NFIA: variants seen among roughly 807,000 people sequenced by gnomAD.
The protein encoded by NFIA is nuclear factor I A, also known as nuclear factor 1 A-type.
A neutral mutation model predicts 62.8 loss-of-function variants in NFIA; 8 were observed. The ratio of observed to expected loss-of-function variants is 0.13; its 90% CI spans 0.07 to 0.23. The LOEUF (loss-of-function observed/expected upper bound fraction) is 0.23. Ranked by LOEUF, NFIA falls within the 10% of genes least tolerant of loss-of-function variation. The pLI, the probability that NFIA is intolerant of heterozygous loss-of-function variation, is 1.00. For missense variants in NFIA, 410 were observed against 642.1 expected, an observed-to-expected ratio of 0.64 and a Z score of 3.91; for synonymous variants, 235 against 238.1, an observed-to-expected ratio of 0.99 and a Z score of 0.12.
At chr1:61,291,932 G>A (rs980006480) in intron 3 of NFIA, among the ~76,000 whole-genome samples, 3 of 152,082 alleles carry the variant, frequency 2.0e-5, no homozygotes, top group African/African-American at 4.8e-5. Context: ...ATATTACAAT[G>A]TGTAATCTGT....
At chr1:61,253,783 A>G (rs1656201344) in intron 2 of NFIA, among the ~76,000 whole-genome samples, 1 of 151,796 alleles carries the variant, frequency 6.6e-6, no homozygotes, top group Non-Finnish European at 1.5e-5. Flanking sequence ...AATAAAATAA[A>G]CTCTTTTGCC....
chr1:61,115,725 A>G (rs1646783131), intron 2 of NFIA, among the ~76,000 whole-genome samples: 1 of 152,198 alleles, frequency 6.6e-6, no homozygotes, highest in African/African-American at 2.4e-5. Context: ...GCCCGTGAGA[A>G]ACTTCCCAAC....
intron 10 of NFIA, among the ~76,000 whole-genome samples, chr1:61,435,044 C>G (rs1667267646): frequency 6.6e-6 from 1 of 152,140 alleles, no homozygotes; most frequent in African/African-American, 2.4e-5. Context: ...ACCATAGTGC[C>G]AAGTGCAGAA....
chr1:61,157,568 C>T (rs1312280143), intron 2 of NFIA, among the ~76,000 whole-genome samples: 2 of 152,204 alleles, frequency 1.3e-5, no homozygotes, highest in African/African-American at 4.8e-5. Context: ...GGAAACGTGG[C>T]AGCCTGCAGC....
chr1:61,398,977 T>C (rs1278743962), intron 7 of NFIA, among the ~76,000 whole-genome samples: 1 of 152,236 alleles, frequency 6.6e-6, no homozygotes, highest in East Asian at 1.9e-4. Flanking sequence ...AAAGCTTCTT[T>C]TGTTTTTTAA....
chr1:61,196,185 T>G (rs1651978124), intron 2 of NFIA, among the ~76,000 whole-genome samples: 1 of 152,174 alleles, frequency 6.6e-6, no homozygotes, highest in East Asian at 1.9e-4. Context: ...TCTGAGAAAA[T>G]TATAGCTTTA....
At chr1:61,379,402 C>CTAT (rs1410203326) in intron 6 of NFIA, among the ~76,000 whole-genome samples, 11 of 98,250 alleles carry the variant, frequency 1.1e-4, no homozygotes, top group Admixed American at 3.7e-4. Context: ...TTTTCTTTTT[C>CTAT]TTTTTTTTTT....
At chr1:61,373,606 G>A (rs1664010304) in intron 6 of NFIA, among the ~76,000 whole-genome samples, 1 of 152,050 alleles carries the variant, frequency 6.6e-6, no homozygotes, top group African/African-American at 2.4e-5. Flanking sequence ...ACAGAAGAGA[G>A]TATATTTAAG....
intron 2 of NFIA, among the ~76,000 whole-genome samples, chr1:61,194,444 T>C (rs977876517): frequency 2.0e-5 from 3 of 152,228 alleles, no homozygotes; most frequent in Non-Finnish European, 4.4e-5. Context: ...GCCTTGTATT[T>C]TGTTCATCTT....
chr1:61,297,123 CT>C (rs1659228658), intron 3 of NFIA, among the ~76,000 whole-genome samples: 1 of 152,096 alleles, frequency 6.6e-6, no homozygotes, highest in South Asian at 2.1e-4. Context: ...ATTTTTTACC[CT>C]GTATTTATTT....
At chr1:61,259,362 C>G (rs1468566086) in intron 2 of NFIA, among the ~76,000 whole-genome samples, 1 of 152,192 alleles carries the variant, frequency 6.6e-6, no homozygotes, top group Non-Finnish European at 1.5e-5. Flanking sequence ...ACTGGCCCTT[C>G]CCCTCTCTGT....
intron 2 of NFIA, among the ~76,000 whole-genome samples, chr1:61,128,402 G>C (rs1647013139): frequency 6.6e-6 from 1 of 152,126 alleles, no homozygotes; most frequent in Non-Finnish European, 1.5e-5. Flanking sequence ...CTTGAGCCCA[G>C]GAGTTCAAGA....
chr1:61,385,723 G>A (rs1016767450), intron 7 of NFIA: 12 of 152,134 alleles, frequency 7.9e-5, no homozygotes, highest in African/African-American at 2.2e-4. Flanking sequence ...AATGACCCAC[G>A]CTGGGTTGAA....
At chr1:61,100,077 A>T (rs955270493) in intron 2 of NFIA, among the ~76,000 whole-genome samples, 5 of 152,226 alleles carry the variant, frequency 3.3e-5, no homozygotes, top group Non-Finnish European at 7.3e-5. Context: ...TCTGAAAGCC[A>T]TTGTTTTCTC....
rs185278186 is a variant in NFIA, at chr1:61,362,587, A to G, written c.946+3313A>G. On this transcript the variant is annotated intron_variant, in intron 6 of 10. Transcript: ENST00000403491. ...ACAAACCAGACATGCAGTAAATTAC[A>G]TGGGCTATTTCAAATGTCTTTTGTA... Among the ~76,000 whole-genome samples the G allele has an allele frequency of 1.2e-3, 177 of 152,354 alleles. 3 individuals are homozygous for G. The highest frequency in any genetic ancestry group is 4.0e-4 in the Non-Finnish European group (27 of 68,038).
intron 2 of NFIA, among the ~76,000 whole-genome samples, chr1:61,123,124 G>A (rs1013041328): frequency 9.2e-5 from 14 of 152,224 alleles, no homozygotes; most frequent in South Asian, 2.1e-4. Context: ...TATTTTGCAC[G>A]TTCTTCCATT....
intron 3 of NFIA, among the ~76,000 whole-genome samples, chr1:61,295,121 G>A (rs141691862): frequency 5.3e-5 from 8 of 152,260 alleles, no homozygotes; most frequent in Admixed American, 1.3e-4. Flanking sequence ...TTCCGTCTAC[G>A]TCACCACCAC....
chr1:61,097,674 C>A (rs1295102950), intron 2 of NFIA, among the ~76,000 whole-genome samples: 1 of 152,166 alleles, frequency 6.6e-6, no homozygotes, highest in Non-Finnish European at 1.5e-5. Flanking sequence ...CACTTAATAT[C>A]AGAAATTCAG....
intron 1 of NFIA, among the ~76,000 whole-genome samples, chr1:61,084,640 C>G (rs1013527302): frequency 1.3e-5 from 2 of 152,100 alleles, no homozygotes; most frequent in African/African-American, 4.8e-5. Context: ...ACACACAGAA[C>G]TTGTAGATAA....
Sources: allele counts gnomAD v4.1 joint callset (sites outside exome capture counted in the v4.1 genomes callset), GRCh38; gene constraint gnomAD v4.1.1; transcripts MANE v1.5; gene names NCBI Gene and HGNC (gene_info 2026-07-23, HGNC 2026-07-21).